Variants in SH3RF1 observed in about 807,000 individuals in gnomAD.
The protein encoded by SH3RF1 is SH3 domain containing ring finger 1.
SH3RF1 carries 32 observed loss-of-function variants against 74.0 expected under a neutral mutation model. The observed-to-expected ratio is 0.43, with a 90% confidence interval of 0.33 to 0.58. The LOEUF (loss-of-function observed/expected upper bound fraction) is 0.58. Among genes scored for constraint, SH3RF1 ranks in the 20% least tolerant of loss-of-function variants. The pLI, the probability that SH3RF1 is intolerant of heterozygous loss-of-function variation, is 0.05. For synonymous variants in SH3RF1, 396 were observed against 439.6 expected (o/e 0.90, Z 1.24); for missense variants, 954 against 1,130.9 (o/e 0.84, Z 2.24).
At chr4:169,211,108 A>G (rs1579140069) in intron 2 of SH3RF1, among the ~76,000 whole-genome samples, 4 of 152,294 alleles carry the variant, frequency 2.6e-5, no homozygotes, top group East Asian at 1.9e-4. Context: ...ATATCCTTAA[A>G]CCCAAAATCC....
chr4:169,232,974 C>T (rs557348695), intron 2 of SH3RF1, among the ~76,000 whole-genome samples: 2 of 152,202 alleles, frequency 1.3e-5, no homozygotes, highest in African/African-American at 2.4e-5. Flanking sequence ...CTGGGCCAAG[C>T]GCAGTGGCTC....
chr4:169,154,063 C>T (rs919932267), intron 4 of SH3RF1, among the ~76,000 whole-genome samples: 14 of 152,160 alleles, frequency 9.2e-5, no homozygotes, highest in African/African-American at 3.4e-4. Flanking sequence ...ATTACTAATC[C>T]TGTGCTTACC....
intron 2 of SH3RF1, among the ~76,000 whole-genome samples, chr4:169,216,862 G>A (rs182631088): frequency 2.6e-4 from 39 of 152,014 alleles, no homozygotes; most frequent in African/African-American, 7.2e-4. Context: ...TTTAAAAAGT[G>A]AGTTTGGGCT....
intron 1 of SH3RF1, chr4:169,269,788 A>G (rs1731415828): frequency 6.6e-6 from 1 of 152,342 alleles, no homozygotes; most frequent in Admixed American, 6.5e-5. Flanking sequence ...GCTCGTGGTA[A>G]ATGATCCCAA....
chr4:169,117,695 C>A lies in SH3RF1; in HGVS notation c.1605G>T (p.Thr535=). ...GGAGCTTCTGGGCAGGCCCTCCTGCCGTGGAAGGACTGACCATGGTCACTC... is the reference window on the plus strand; with the variant it reads ...GGAGCTTCTGGGCAGGCCCTCCTGCAGTGGAAGGACTGACCATGGTCACTC... ...SRGVTMVSPS[T]AGGPAQKLQG... Residue 535 remains threonine, a synonymous_variant, in exon 9 of 12, where the codon ACG becomes ACT. Coordinates refer to ENST00000284637, the MANE Select transcript of SH3RF1 (RefSeq NM_020870.4). 6.2e-7 allele frequency: 1 copy of A among 1,614,136 alleles called. No homozygotes were observed.
chr4:169,249,382 A>G (rs1053635902), intron 2 of SH3RF1, among the ~76,000 whole-genome samples: 1 of 152,248 alleles, frequency 6.6e-6, no homozygotes, highest in Admixed American at 6.5e-5. Flanking sequence ...TCCCCTCCAG[A>G]GGAACCATCT....
At chr4:169,186,619 T>C (rs1734609181) in intron 2 of SH3RF1, among the ~76,000 whole-genome samples, 2 of 151,006 alleles carry the variant, frequency 1.3e-5, no homozygotes, top group African/African-American at 2.4e-5. Context: ...CTATTAAAAG[T>C]CAAGAAAATA....
intron 2 of SH3RF1, among the ~76,000 whole-genome samples, chr4:169,216,491 A>C (rs1290722099): frequency 1.3e-5 from 2 of 152,172 alleles, no homozygotes; most frequent in Non-Finnish European, 2.9e-5. Context: ...TGTGAGGATA[A>C]ATAAAATCTA....
At chr4:169,134,602 ATCT>A (rs1324543673) in intron 5 of SH3RF1, among the ~76,000 whole-genome samples, 1 of 152,230 alleles carries the variant, frequency 6.6e-6, no homozygotes, top group Non-Finnish European at 1.5e-5. Context: ...GTGAGTGGCC[ATCT>A]TCACTAGCTC....
At chr4:169,194,490 T>C (rs1365474477) in intron 2 of SH3RF1, among the ~76,000 whole-genome samples, 1 of 152,236 alleles carries the variant, frequency 6.6e-6, no homozygotes, top group Non-Finnish European at 1.5e-5. Flanking sequence ...CTTTTGTGTC[T>C]GGCTTCTTTT....
At chr4:169,201,425 C>T (rs1734907137) in intron 2 of SH3RF1, among the ~76,000 whole-genome samples, 1 of 152,184 alleles carries the variant, frequency 6.6e-6, no homozygotes, top group Non-Finnish European at 1.5e-5. Flanking sequence ...CACATAGGCA[C>T]ACATGGGAAT....
chr4:169,113,122 C>T (rs13142823), intron 10 of SH3RF1, among the ~76,000 whole-genome samples: 14,850 of 142,954 alleles, frequency 0.1, 1,209 homozygotes, highest in African/African-American at 0.25. Flanking sequence ...TTTTTTTTTT[C>T]CCCCCTGAGA....
At chr4:169,265,186 A>C (rs1309250826) in intron 2 of SH3RF1, among the ~76,000 whole-genome samples, 2 of 152,220 alleles carry the variant, frequency 1.3e-5, no homozygotes, top group Admixed American at 1.3e-4. Context: ...CTCTCCCACA[A>C]GATGGACTAC....
At chr4:169,176,877 G>A (rs1318445427) in intron 2 of SH3RF1, among the ~76,000 whole-genome samples, 2 of 152,100 alleles carry the variant, frequency 1.3e-5, no homozygotes, top group African/African-American at 4.8e-5. Flanking sequence ...ACTTGTGCTG[G>A]GCATGGTAGC....
chr4:169,148,106 G>A (rs1733922622), intron 4 of SH3RF1, among the ~76,000 whole-genome samples: 1 of 152,118 alleles, frequency 6.6e-6, no homozygotes, highest in Non-Finnish European at 1.5e-5. Flanking sequence ...AAAATGAAAT[G>A]TTTCATAATT....
At chr4:169,247,209 C>A (rs1731015745) in intron 2 of SH3RF1, among the ~76,000 whole-genome samples, 1 of 152,006 alleles carries the variant, frequency 6.6e-6, no homozygotes, top group African/African-American at 2.4e-5. Flanking sequence ...AAGAGGCAAA[C>A]CAAAAGGGAA....
chr4:169,116,890 G>A (rs184219702), intron 9 of SH3RF1, among the ~76,000 whole-genome samples: 273 of 152,296 alleles, frequency 1.8e-3, no homozygotes, highest in African/African-American at 5.9e-3. Flanking sequence ...CTTTACTTAG[G>A]AGACAGCCTC....
intron 2 of SH3RF1, among the ~76,000 whole-genome samples, chr4:169,260,565 A>G (rs1731260819): frequency 6.6e-6 from 1 of 152,190 alleles, no homozygotes; most frequent in African/African-American, 2.4e-5. Flanking sequence ...GAAACTCAAG[A>G]ACAAGACGGA....
intron 2 of SH3RF1, among the ~76,000 whole-genome samples, chr4:169,176,926 CTGT>C (rs137974213): frequency 8.6e-4 from 130 of 151,752 alleles, no homozygotes; most frequent in Middle Eastern, 6.8e-3. Flanking sequence ...TGGTTAATTT[CTGT>C]TGTTGTTGTT....
Sources: gnomAD v4.1 joint callset for allele counts (sites outside exome capture counted in the v4.1 genomes callset) on GRCh38, gnomAD v4.1.1 for gene constraint, MANE v1.5 for transcripts, NCBI Gene and HGNC (gene_info 2026-07-23, HGNC 2026-07-21) for gene names.